SGCD: variants seen among roughly 807,000 people sequenced by gnomAD.
SGCD encodes sarcoglycan delta, also known as delta-sarcoglycan.
Under a neutral mutation model 36.6 loss-of-function variants are expected in SGCD, and 18 were observed. The observed-to-expected ratio is 0.49, with a 90% confidence interval of 0.34 to 0.73. The LOEUF (loss-of-function observed/expected upper bound fraction) is 0.73. Among genes scored for constraint, SGCD ranks in the 30% least tolerant of loss-of-function variants. The probability of loss-of-function intolerance (pLI) is 0.01; values close to 1 mark genes in which losing one functional copy is unlikely to be tolerated. For synonymous variants in SGCD, 133 were observed against 130.6 expected (o/e 1.02, Z -0.12); for missense variants, 387 against 346.7 (o/e 1.12, Z -0.92).
At chr5:156,741,813 C>A (rs1756688624) in intron 7 of SGCD, among the ~76,000 whole-genome samples, 1 of 151,898 alleles carries the variant, frequency 6.6e-6, no homozygotes, top group South Asian at 2.1e-4. Flanking sequence ...CCTAGTCTTA[C>A]CAGCCAAAAA....
intron 3 of SGCD, among the ~76,000 whole-genome samples, chr5:156,191,653 G>GA (rs1203992513): frequency 1.3e-5 from 2 of 152,200 alleles, no homozygotes; most frequent in African/African-American, 4.8e-5. Flanking sequence ...TGTCTCTTTT[G>GA]TTTCTGAGCT....
intron 1 of SGCD, among the ~76,000 whole-genome samples, chr5:156,089,154 A>G (rs1761175167): frequency 6.6e-6 from 1 of 152,198 alleles, no homozygotes; most frequent in Non-Finnish European, 1.5e-5. Flanking sequence ...CTCACTGAAC[A>G]GATTCAAAGG....
chr5:156,343,751 T>C (rs907225653), intron 2 of SGCD, among the ~76,000 whole-genome samples: 3 of 152,208 alleles, frequency 2.0e-5, no homozygotes, highest in African/African-American at 7.2e-5. Flanking sequence ...ATTTAACTAG[T>C]TCATCCTCTC....
intron 4 of SGCD, among the ~76,000 whole-genome samples, chr5:156,530,519 C>T (rs1011648242): frequency 2.0e-5 from 3 of 151,210 alleles, no homozygotes; most frequent in African/African-American, 7.3e-5. Context: ...TGTGAATTTT[C>T]TGAAATGTGA....
chr5:155,906,792 T>C (rs552449039), intron 1 of SGCD, among the ~76,000 whole-genome samples: 2 of 151,864 alleles, frequency 1.3e-5, no homozygotes, highest in Non-Finnish European at 2.9e-5. Context: ...GCAGCAAATG[T>C]TGATGCAGAA....
intron 3 of SGCD, among the ~76,000 whole-genome samples, chr5:156,236,572 C>G (rs1223422106): frequency 4.0e-5 from 6 of 151,896 alleles, no homozygotes; most frequent in Admixed American, 3.9e-4. Context: ...GCCTCAGCCT[C>G]CCGAGTAGCT....
intron 1 of SGCD, among the ~76,000 whole-genome samples, chr5:156,109,400 G>C (rs1444191655): frequency 6.6e-6 from 1 of 152,076 alleles, no homozygotes; most frequent in Admixed American, 6.6e-5. Flanking sequence ...GGATGGGAAG[G>C]AGAAGAAAGC....
At chr5:156,178,818 A>G (rs1169251130) in intron 3 of SGCD, among the ~76,000 whole-genome samples, 4 of 152,174 alleles carry the variant, frequency 2.6e-5, no homozygotes, top group Admixed American at 2.6e-4. Flanking sequence ...CACCTGCCTC[A>G]GCCTCAGAAA....
chr5:155,918,121 C>T (rs1192954586), intron 1 of SGCD, among the ~76,000 whole-genome samples: 1 of 152,088 alleles, frequency 6.6e-6, no homozygotes, highest in Non-Finnish European at 1.5e-5. Flanking sequence ...TTTCACCTTC[C>T]TCAAAATAAA....
At chr5:156,218,510 T>C (rs1764634033) in intron 3 of SGCD, among the ~76,000 whole-genome samples, 1 of 152,186 alleles carries the variant, frequency 6.6e-6, no homozygotes, top group Non-Finnish European at 1.5e-5. Context: ...GCCAGCAGTT[T>C]ATATTTGAGA....
intron 1 of SGCD, among the ~76,000 whole-genome samples, chr5:156,078,579 T>TTATATATATTTATATTTA (rs1760862359): frequency 7.3e-6 from 1 of 136,702 alleles, no homozygotes; most frequent in Non-Finnish European, 1.5e-5. Flanking sequence ...ATATTTATAT[T>TTATATATATTTATATTTA]TATATATATT....
At chr5:155,872,351 GCACACACACACACA>G (rs3085993) in intron 1 of SGCD, among the ~76,000 whole-genome samples, 6 of 145,080 alleles carry the variant, frequency 4.1e-5, no homozygotes, top group Non-Finnish European at 7.7e-5. Flanking sequence ...CTTCTCTTCA[GCACACACACACACA>G]CACACACACA....
intron 3 of SGCD, among the ~76,000 whole-genome samples, chr5:156,214,166 T>C (rs937739353): frequency 5.9e-5 from 9 of 152,006 alleles, no homozygotes; most frequent in African/African-American, 2.2e-4. Flanking sequence ...TGTTAAATTA[T>C]CTCTGCTTGC....
intron 3 of SGCD, among the ~76,000 whole-genome samples, chr5:156,303,483 C>A (rs921508749): frequency 1.9e-4 from 29 of 151,940 alleles, no homozygotes; most frequent in African/African-American, 7.0e-4. Flanking sequence ...TGTGGCTAAT[C>A]TGGTTCCCAA....
the SGCD span, among the ~76,000 whole-genome samples, chr5:155,820,689 G>A: frequency 5.3e-5 from 8 of 151,976 alleles, no homozygotes; most frequent in Non-Finnish European, 1.2e-4. Context: ...AGAGTGAAAT[G>A]TTGTCTCAAG....
At chr5:156,360,513 G>A (rs1445959441) in intron 3 of SGCD, among the ~76,000 whole-genome samples, 1 of 152,148 alleles carries the variant, frequency 6.6e-6, no homozygotes, top group Non-Finnish European at 1.5e-5. Flanking sequence ...CTCCCAAAGT[G>A]CTGGAATTAC....
At chr5:156,356,534 CACTCT>C (rs1769499575) in intron 3 of SGCD, among the ~76,000 whole-genome samples, 1 of 152,308 alleles carries the variant, frequency 6.6e-6, no homozygotes, top group South Asian at 2.1e-4. Context: ...GCATCACTTC[CACTCT>C]ACTCTGCTGT....
intron 3 of SGCD, among the ~76,000 whole-genome samples, chr5:156,498,916 C>T (rs962338385): frequency 1.4e-5 from 2 of 147,046 alleles, no homozygotes; most frequent in South Asian, 2.2e-4. Context: ...TTTCCAGGTT[C>T]TTGCCATCAT....
chr5:156,105,251 AAAG>A (rs1408461752), intron 1 of SGCD, among the ~76,000 whole-genome samples: 7 of 152,238 alleles, frequency 4.6e-5, no homozygotes. Context: ...TTATGTAAAT[AAAG>A]AAAGTACTTC....
Sources: gnomAD v4.1 joint callset for allele counts (sites outside exome capture counted in the v4.1 genomes callset) on GRCh38, gnomAD v4.1.1 for gene constraint, MANE v1.5 for transcripts, NCBI Gene and HGNC (gene_info 2026-07-23, HGNC 2026-07-21) for gene names.